The following KCNK10 variants were observed in gnomAD, a reference collection of about 807,000 sequenced individuals.
KCNK10 encodes the protein potassium channel subfamily K member 10.
KCNK10 carries 25 observed loss-of-function variants against 47.7 expected under a neutral mutation model. That is an observed-to-expected ratio of 0.52 (90% CI 0.38 to 0.73). The LOEUF is 0.73. Ranked by LOEUF, KCNK10 falls within the 30% of genes least tolerant of loss-of-function variation. KCNK10 has a pLI of 0.00. For missense variants in KCNK10, 563 were observed against 714.5 expected, an observed-to-expected ratio of 0.79 and a Z score of 2.42; for synonymous variants, 303 against 285.6, an observed-to-expected ratio of 1.06 and a Z score of -0.61.
intron 1 of KCNK10, among the ~76,000 whole-genome samples, chr14:88,302,487 A>T (rs568086879): frequency 6.6e-6 from 1 of 152,354 alleles, no homozygotes; most frequent in Admixed American, 6.5e-5. Flanking sequence ...AGGCGGGTGG[A>T]TCACCTGAGG....
chr14:88,277,517 T>C (rs1258770291), intron 1 of KCNK10, among the ~76,000 whole-genome samples: 2 of 152,166 alleles, frequency 1.3e-5, no homozygotes, highest in Non-Finnish European at 2.9e-5. Flanking sequence ...TTATTCCTCA[T>C]GGGGCTAGGG....
chr14:88,194,844 C>T (rs762285499), intron 4 of KCNK10, among the ~76,000 whole-genome samples: 1 of 152,066 alleles, frequency 6.6e-6, no homozygotes, highest in Non-Finnish European at 1.5e-5. Context: ...ATGTTTGGAG[C>T]ATTTAATTAT....
intron 3 of KCNK10, among the ~76,000 whole-genome samples, chr14:88,237,167 C>A (rs1288717332): frequency 1.3e-5 from 2 of 152,210 alleles, no homozygotes; most frequent in East Asian, 3.8e-4. Context: ...CTTTACCAGG[C>A]AGGAGCAGAT....
chr14:88,199,959 C>A (rs933927692), intron 4 of KCNK10, among the ~76,000 whole-genome samples: 2 of 152,016 alleles, frequency 1.3e-5, no homozygotes, highest in African/African-American at 4.8e-5. Flanking sequence ...TAGACAGTTT[C>A]TTTCTTTCTT....
chr14:88,292,314 A>G (rs936453184), intron 1 of KCNK10, among the ~76,000 whole-genome samples: 1 of 152,172 alleles, frequency 6.6e-6, no homozygotes, highest in South Asian at 2.1e-4. Context: ...GGCCTGGCCT[A>G]CAGGGAAAGG....
At position 88,263,259 on chromosome 14, in the gene KCNK10, C is replaced by A. The variant is rs137908592; in HGVS notation, c.345G>T (p.Ala115=). The change falls in exon 2 of 7, where the codon GCG becomes GCT. Residue 115 remains alanine, a synonymous_variant. Coordinates refer to ENST00000319231, the MANE Select transcript of KCNK10 (RefSeq NM_138317.3). ...CACAGACATGATCCCGCAGGAATTC[C>A]GCCTTCTCCAAGGCGATGGTATTCT... ...SQKNTIALEK[A]EFLRDHVCVS... The A allele has an allele frequency of 1.9e-5, 31 of 1,614,086 alleles. No homozygotes were observed. In the East Asian group the frequency reaches 6.7e-4, roughly 35 times the overall value.
Position 88,184,388 on chromosome 14 carries a change from CACTT to C in KCNK10, c.*1143_*1146del, listed in dbSNP as rs1884471861. Reference sequence around the variant, plus strand: ...TATCATTGTTAAATGGAATTAATGGCACTTACGCTGCAAGCAATAAAAACATTTC... The same window carrying C: ...TATCATTGTTAAATGGAATTAATGGCACGCTGCAAGCAATAAAAACATTTC... On this transcript the variant is annotated 3_prime_UTR_variant, in exon 7 of 7. Coordinates refer to ENST00000319231, the MANE Select transcript of KCNK10 (RefSeq NM_138317.3). 1 of 152,292 alleles carries C rather than the reference CACTT, an allele frequency of 6.6e-6. No individual in the cohort carries two copies. The highest frequency in any genetic ancestry group is 2.4e-5 in the African/African-American group (1 of 41,432). The allele number at this position is 152,292 out of a possible 1,614,324, so 9.4% of individuals were successfully genotyped here. A position where few individuals can be genotyped will look rare whatever the true frequency, so the allele number is the denominator to read the frequency against.
At chr14:88,302,950 A>G (rs1055854698) in intron 1 of KCNK10, among the ~76,000 whole-genome samples, 6 of 152,092 alleles carry the variant, frequency 3.9e-5, no homozygotes, top group African/African-American at 1.4e-4. Flanking sequence ...CCATTCACAG[A>G]CTCAGGGGAT....
chr14:88,216,301 C>A (rs530006367), intron 4 of KCNK10, among the ~76,000 whole-genome samples: 1 of 152,232 alleles, frequency 6.6e-6, no homozygotes, highest in South Asian at 2.1e-4. Context: ...GGGACCAGGG[C>A]ATGCACCTGG....
intron 1 of KCNK10, among the ~76,000 whole-genome samples, chr14:88,271,264 T>C (rs190857036): frequency 3.3e-5 from 5 of 152,322 alleles, no homozygotes; most frequent in East Asian, 3.9e-4. Context: ...ATTCCTGAAT[T>C]TGTTCATTCA....
intron 1 of KCNK10, among the ~76,000 whole-genome samples, chr14:88,293,144 G>C (rs1368139341): frequency 6.6e-6 from 1 of 152,172 alleles, no homozygotes; most frequent in Non-Finnish European, 1.5e-5. Context: ...GTGATTTATG[G>C]TTTGTACTCT....
At chr14:88,187,778 G>A (rs2139822165) in intron 6 of KCNK10, among the ~76,000 whole-genome samples, 189 bp downstream of exon 6, 1 of 152,164 alleles carries the variant, frequency 6.6e-6, no homozygotes, top group South Asian at 2.1e-4. Context: ...AAAGAATCCA[G>A]AAATAACTGT....
intron 1 of KCNK10, among the ~76,000 whole-genome samples, chr14:88,300,667 T>C (rs1285749248): frequency 6.6e-6 from 1 of 152,162 alleles, no homozygotes; most frequent in African/African-American, 2.4e-5. Context: ...ATAGCTTTCC[T>C]GGACAATGAA....
At chr14:88,275,622 G>A (rs988822206) in intron 1 of KCNK10, among the ~76,000 whole-genome samples, 6 of 151,022 alleles carry the variant, frequency 4.0e-5, no homozygotes, top group African/African-American at 1.5e-4. Flanking sequence ...GCCGAGGCAG[G>A]GGATCACCTG....
At chr14:88,276,901 C>G (rs1219914061) in intron 1 of KCNK10, among the ~76,000 whole-genome samples, 1 of 152,246 alleles carries the variant, frequency 6.6e-6, no homozygotes, top group African/African-American at 2.4e-5. Context: ...ATAAACAAAC[C>G]TGAGATCATA....
chr14:88,228,834 C>T (rs1886068072), intron 3 of KCNK10, among the ~76,000 whole-genome samples: 1 of 152,178 alleles, frequency 6.6e-6, no homozygotes, highest in Non-Finnish European at 1.5e-5. Flanking sequence ...TCAGGCTAGG[C>T]TTCCTCATCT....
chr14:88,295,741 C>T (rs1226504474), intron 1 of KCNK10, among the ~76,000 whole-genome samples: 1 of 152,042 alleles, frequency 6.6e-6, no homozygotes, highest in Non-Finnish European at 1.5e-5. Context: ...AAAAGGAATT[C>T]ATTGACAGGA....
At chr14:88,208,740 T>G (rs915631987) in intron 4 of KCNK10, among the ~76,000 whole-genome samples, 2 of 152,202 alleles carry the variant, frequency 1.3e-5, no homozygotes, top group African/African-American at 2.4e-5. Context: ...AAATTCCCTT[T>G]TATTTTAACC....
intron 1 of KCNK10, among the ~76,000 whole-genome samples, chr14:88,310,820 G>A (rs1403226936): frequency 6.6e-6 from 1 of 152,174 alleles, no homozygotes; most frequent in African/African-American, 2.4e-5. Context: ...CAGCGGGTAT[G>A]GAGGGGGCAA....
Sources: gnomAD v4.1 joint callset for allele counts (sites outside exome capture counted in the v4.1 genomes callset) on GRCh38, gnomAD v4.1.1 for gene constraint, MANE v1.5 for transcripts, NCBI Gene and HGNC (gene_info 2026-07-23, HGNC 2026-07-21) for gene names.